NXPE2: variants seen among roughly 807,000 people sequenced by gnomAD.
NXPE2 encodes NXPE family member 2.
NXPE2 carries 34 observed loss-of-function variants against 34.4 expected under a neutral mutation model. The observed-to-expected ratio is 0.99, with a 90% CI of 0.75 to 1.31. The LOEUF (loss-of-function observed/expected upper bound fraction) is 1.31, where lower values mean the gene tolerates loss of function less well. Ranked by LOEUF, NXPE2 falls within the 40% of genes most tolerant of loss-of-function variation. The pLI, the probability that NXPE2 is intolerant of heterozygous loss-of-function variation, is 0.00. For synonymous variants in NXPE2, 235 were observed against 231.3 expected (o/e 1.02, Z -0.15); for missense variants, 649 against 672.5 (o/e 0.97, Z 0.39).
At chr11:114,635,592 G>A in the NXPE2 span, among the ~76,000 whole-genome samples, 1 of 151,912 alleles carries the variant, frequency 6.6e-6, no homozygotes, top group Non-Finnish European at 1.5e-5. Context: ...TATGATATTG[G>A]CTGTGGGTTT....
the NXPE2 span, among the ~76,000 whole-genome samples, chr11:114,577,009 TTATATATA>T: frequency 1.5e-4 from 17 of 116,246 alleles, no homozygotes; most frequent in East Asian, 2.4e-3. Flanking sequence ...ATATATAAAG[TTATATATA>T]TATATATATA....
chr11:114,793,219 G>A, the NXPE2 span, among the ~76,000 whole-genome samples: 1 of 152,170 alleles, frequency 6.6e-6, no homozygotes, highest in Non-Finnish European at 1.5e-5. Flanking sequence ...TGCTTTAGAC[G>A]ATAGCTGATT....
At chr11:114,797,320 C>T in the NXPE2 span, among the ~76,000 whole-genome samples, 12 of 152,188 alleles carry the variant, frequency 7.9e-5, no homozygotes, top group Non-Finnish European at 1.2e-4. Context: ...AAAGGTGAAA[C>T]GAGAGTTTAG....
At chr11:114,728,676 T>C in the NXPE2 span, among the ~76,000 whole-genome samples, 6 of 152,182 alleles carry the variant, frequency 3.9e-5, no homozygotes, top group South Asian at 1.0e-3. Context: ...TACTTTAGGC[T>C]TTATGGGACA....
the NXPE2 span, among the ~76,000 whole-genome samples, chr11:114,533,516 C>A: frequency 2.6e-5 from 4 of 152,182 alleles, no homozygotes; most frequent in Admixed American, 2.6e-4. Flanking sequence ...CACAAGCGGT[C>A]AGGGAATTTC....
chr11:114,564,991 A>T, the NXPE2 span, among the ~76,000 whole-genome samples: 3 of 152,220 alleles, frequency 2.0e-5, no homozygotes, highest in Non-Finnish European at 4.4e-5. Flanking sequence ...CAAGCATGCC[A>T]AGCCTTTTCC....
At chr11:114,475,028 C>T in the NXPE2 span, among the ~76,000 whole-genome samples, 2 of 151,886 alleles carry the variant, frequency 1.3e-5, no homozygotes, top group Non-Finnish European at 2.9e-5. Flanking sequence ...TAATTTATGA[C>T]ATTAGGAACA....
At chr11:114,765,822 C>T in the NXPE2 span, among the ~76,000 whole-genome samples, 4 of 152,180 alleles carry the variant, frequency 2.6e-5, no homozygotes, top group East Asian at 7.7e-4. Context: ...AAGGACTTTT[C>T]TTTAGTGCTT....
chr11:114,591,603 A>G, the NXPE2 span, among the ~76,000 whole-genome samples: 1 of 152,138 alleles, frequency 6.6e-6, no homozygotes, highest in Non-Finnish European at 1.5e-5. Context: ...AGAATGGGCC[A>G]TTTCTCGAGG....
the NXPE2 span, among the ~76,000 whole-genome samples, chr11:114,778,924 C>T: frequency 6.6e-6 from 1 of 152,186 alleles, no homozygotes; most frequent in Non-Finnish European, 1.5e-5. Flanking sequence ...CCCGTTGTGG[C>T]TTTAAAGTTC....
At chr11:114,771,694 C>T in the NXPE2 span, among the ~76,000 whole-genome samples, 2 of 152,194 alleles carry the variant, frequency 1.3e-5, no homozygotes, top group African/African-American at 4.8e-5. Flanking sequence ...CCAAGGATGA[C>T]CCTCTGTCCT....
the NXPE2 span, among the ~76,000 whole-genome samples, chr11:114,656,031 A>C: frequency 6.6e-6 from 1 of 152,142 alleles, no homozygotes; most frequent in South Asian, 2.1e-4. Context: ...AGAAAACCCC[A>C]TCATCTCAGC....
At chr11:114,595,169 C>T in the NXPE2 span, among the ~76,000 whole-genome samples, 2,051 of 152,240 alleles carry the variant, frequency 0.013, 37 homozygotes, top group African/African-American at 0.047. Flanking sequence ...AGAACCACAT[C>T]ATTACAGTGC....
the NXPE2 span, among the ~76,000 whole-genome samples, chr11:114,658,435 C>T: frequency 6.6e-6 from 1 of 152,106 alleles, no homozygotes; most frequent in Non-Finnish European, 1.5e-5. Flanking sequence ...TGTTTTGGAC[C>T]TCCACTGGGC....
chr11:114,495,545 C>T, the NXPE2 span, among the ~76,000 whole-genome samples: 4 of 151,760 alleles, frequency 2.6e-5, no homozygotes, highest in East Asian at 7.8e-4. Context: ...AAAACAAAGT[C>T]CCCTTTACTC....
At chr11:114,478,292 T>TC in the NXPE2 span, among the ~76,000 whole-genome samples, 1 of 152,174 alleles carries the variant, frequency 6.6e-6, no homozygotes, top group Non-Finnish European at 1.5e-5. Flanking sequence ...ATAGGGGCAC[T>TC]CTCTTCCTTG....
intron 2 of NXPE2, among the ~76,000 whole-genome samples, chr11:114,690,992 C>T (rs568786088): frequency 2.6e-5 from 4 of 152,010 alleles, no homozygotes; most frequent in African/African-American, 4.8e-5. Flanking sequence ...TTTTTTCTGG[C>T]GCCTTTGTGT....
the NXPE2 span, among the ~76,000 whole-genome samples, chr11:114,772,671 C>T: frequency 6.6e-6 from 1 of 152,068 alleles, no homozygotes; most frequent in South Asian, 2.1e-4. Flanking sequence ...GACACCAACA[C>T]CACATCTGAC....
intron 2 of NXPE2, among the ~76,000 whole-genome samples, chr11:114,685,699 T>G (rs1951033161): frequency 6.6e-6 from 1 of 152,138 alleles, no homozygotes; most frequent in African/African-American, 2.4e-5. Flanking sequence ...GGGCCTCACA[T>G]GAAATTGAGC....
Sources: gnomAD v4.1 joint callset for allele counts (sites outside exome capture counted in the v4.1 genomes callset) on GRCh38, gnomAD v4.1.1 for gene constraint, MANE v1.5 for transcripts, NCBI Gene and HGNC (gene_info 2026-07-23, HGNC 2026-07-21) for gene names.